CPNE5: variants seen among roughly 807,000 people sequenced by gnomAD.
CPNE5 encodes the protein copine-5.
Under a neutral mutation model 81.1 loss-of-function variants are expected in CPNE5, and 42 were observed. The observed-to-expected ratio is 0.52, with a 90% CI of 0.40 to 0.67. The LOEUF (loss-of-function observed/expected upper bound fraction) is 0.67. Among genes scored for constraint, CPNE5 ranks in the 30% least tolerant of loss-of-function variants. CPNE5 has a pLI of 0.00. For missense variants in CPNE5, 612 were observed against 815.5 expected, an observed-to-expected ratio of 0.75 and a Z score of 3.04; for synonymous variants, 313 against 321.5, an observed-to-expected ratio of 0.97 and a Z score of 0.28.
At chr6:36,748,393 C>A in intron 14 of CPNE5, 126 bp from the exon 15 acceptor site, 2 of 793,730 alleles carry the variant, frequency 2.5e-6, no homozygotes, top group South Asian at 2.8e-5. Context: ...TTGGTGAAGT[C>A]ATTCATCTCT....
At chr6:36,802,051 T>C (rs975461513) in intron 3 of CPNE5, among the ~76,000 whole-genome samples, 39 of 151,816 alleles carry the variant, frequency 2.6e-4, no homozygotes, top group African/African-American at 9.0e-4. Context: ...AAACCCTGTC[T>C]CTACTAAAAA....
chr6:36,821,835 G>T (rs773381393), intron 3 of CPNE5, among the ~76,000 whole-genome samples: 1 of 152,138 alleles, frequency 6.6e-6, no homozygotes, highest in Non-Finnish European at 1.5e-5. Context: ...TAACGGGCAC[G>T]GACTCCTTCT....
At chr6:36,773,027 T>G (rs1767174081) in intron 10 of CPNE5, among the ~76,000 whole-genome samples, 1 of 152,166 alleles carries the variant, frequency 6.6e-6, no homozygotes, top group Non-Finnish European at 1.5e-5. Flanking sequence ...TGTTTTAATT[T>G]TTTTAAATTT....
At chr6:36,807,829 G>T (rs1770735336) in intron 3 of CPNE5, among the ~76,000 whole-genome samples, 2 of 152,076 alleles carry the variant, frequency 1.3e-5, no homozygotes, top group Non-Finnish European at 2.9e-5. Context: ...CAACACCAGG[G>T]TCCTTAGTAC....
At position 36,745,036 on chromosome 6, in the gene CPNE5, C is replaced by T. The variant is rs756945763; in HGVS notation, c.1431+12G>A. ...CTCAAACCGCCTCCCCCACCGCACA[C>T]TCCTTGCTTACGTTGACAATGGCCT... On this transcript the variant is annotated intron_variant, in intron 18 of 20. Transcript: ENST00000244751. 6.2e-7 allele frequency: 1 copy of T among 1,603,380 alleles called. No individual in the cohort carries two copies. The highest frequency in any genetic ancestry group is 2.2e-5 in the East Asian group (1 of 44,836).
At chr6:36,829,891 G>A (rs1370122621) in intron 1 of CPNE5, among the ~76,000 whole-genome samples, 1 of 149,482 alleles carries the variant, frequency 6.7e-6, no homozygotes, top group African/African-American at 2.5e-5. Context: ...AATCCTGATG[G>A]TCCCACAGAG....
intron 3 of CPNE5, among the ~76,000 whole-genome samples, chr6:36,806,499 C>T (rs1369981134): frequency 2.0e-5 from 3 of 152,172 alleles, no homozygotes; most frequent in Non-Finnish European, 2.9e-5. Flanking sequence ...CACGGCAAGC[C>T]TGGGTGGTCA....
At chr6:36,812,961 T>C (rs891656870) in intron 3 of CPNE5, among the ~76,000 whole-genome samples, 1 of 152,220 alleles carries the variant, frequency 6.6e-6, no homozygotes, top group Non-Finnish European at 1.5e-5. Context: ...CTTTAGATAA[T>C]GGTCTATGTG....
intron 12 of CPNE5, among the ~76,000 whole-genome samples, chr6:36,762,002 A>T (rs2052990): frequency 6.6e-6 from 1 of 151,812 alleles, no homozygotes. Context: ...CTATAATCCC[A>T]GCACTTTGGG....
chr6:36,797,574 G>A (rs1179575575), intron 6 of CPNE5, among the ~76,000 whole-genome samples: 1 of 152,206 alleles, frequency 6.6e-6, no homozygotes, highest in Non-Finnish European at 1.5e-5. Context: ...CACACGGCCA[G>A]CCCTGGCTGG....
chr6:36,757,052 C>A (rs1765549548), intron 12 of CPNE5, among the ~76,000 whole-genome samples: 1 of 152,126 alleles, frequency 6.6e-6, no homozygotes, highest in South Asian at 2.1e-4. Flanking sequence ...CACAAGACAG[C>A]CTCCCACGGC....
chr6:36,792,245 G>A, intron 7 of CPNE5, 149 bp from the exon 8 acceptor site: 1 of 1,284,448 alleles, frequency 7.8e-7, no homozygotes, highest in South Asian at 1.3e-5. Flanking sequence ...AGAGTCTCCT[G>A]AGATCCTTGT....
chr6:36,820,956 A>C (rs538823423), intron 3 of CPNE5, among the ~76,000 whole-genome samples: 24 of 152,192 alleles, frequency 1.6e-4, no homozygotes, highest in Non-Finnish European at 1.9e-4. Context: ...CAAGGAAAAA[A>C]AAAAAGTAAA....
At chr6:36,815,732 G>A (rs1771485467) in intron 3 of CPNE5, among the ~76,000 whole-genome samples, 1 of 152,264 alleles carries the variant, frequency 6.6e-6, no homozygotes, top group South Asian at 2.1e-4. Context: ...AGATCATTCA[G>A]AATATTTAGA....
chr6:36,795,893 T>C (rs1446350920), intron 6 of CPNE5, among the ~76,000 whole-genome samples: 1 of 152,186 alleles, frequency 6.6e-6, no homozygotes, highest in African/African-American at 2.4e-5. Flanking sequence ...AAATCTTCGA[T>C]GGGGTAAAAG....
At chr6:36,799,339 C>G (rs944473494) in intron 4 of CPNE5, among the ~76,000 whole-genome samples, 2 of 152,152 alleles carry the variant, frequency 1.3e-5, no homozygotes, top group African/African-American at 2.4e-5. Flanking sequence ...CCTTTTCTCC[C>G]TAAGATCCCA....
chr6:36,770,511 A>G (rs1268427926), intron 10 of CPNE5, among the ~76,000 whole-genome samples: 1 of 152,124 alleles, frequency 6.6e-6, no homozygotes, highest in Non-Finnish European at 1.5e-5. Context: ...GCCCTTTCTC[A>G]TCAGGCCCGG....
At chr6:36,758,526 G>T (rs12207179) in intron 12 of CPNE5, among the ~76,000 whole-genome samples, 17,179 of 152,030 alleles carry the variant, frequency 0.11, 1,262 homozygotes, top group South Asian at 0.24. Context: ...TGGGATTACA[G>T]GCGTGAGCCA....
intron 3 of CPNE5, among the ~76,000 whole-genome samples, chr6:36,809,884 CCTT>C (rs1309632777): frequency 1.3e-5 from 2 of 151,642 alleles, no homozygotes; most frequent in Non-Finnish European, 2.9e-5. Flanking sequence ...TCCTCCTCCT[CCTT>C]CTGCTTGGTA....
Sources: gnomAD v4.1 joint callset for allele counts (sites outside exome capture counted in the v4.1 genomes callset) on GRCh38, gnomAD v4.1.1 for gene constraint, MANE v1.5 for transcripts, NCBI Gene and HGNC (gene_info 2026-07-23, HGNC 2026-07-21) for gene names.